ADAM22: variants seen among roughly 807,000 people sequenced by gnomAD.
ADAM22 encodes disintegrin and metalloproteinase domain-containing protein 22.
ADAM22 carries 65 observed loss-of-function variants against 144.6 expected under a neutral mutation model. That is an observed-to-expected ratio of 0.45 (90% CI 0.37 to 0.55). The LOEUF is 0.55. ADAM22 is among the 20% of genes least tolerant of loss of function. The probability of loss-of-function intolerance (pLI) is 0.00; values close to 1 mark genes in which losing one functional copy is unlikely to be tolerated. For missense variants in ADAM22, 974 were observed against 1,184.9 expected, an observed-to-expected ratio of 0.82 and a Z score of 2.61; for synonymous variants, 391 against 412.6, an observed-to-expected ratio of 0.95 and a Z score of 0.63.
At chr7:87,934,900 G>C in intron 1 of ADAM22, 126 bp from the exon 2 acceptor site, 1 of 1,375,744 alleles carries the variant, frequency 7.3e-7, no homozygotes, top group Non-Finnish European at 1.0e-6. Context: ...GTTGGGTTCC[G>C]AGAGGGAGGG....
At chr7:88,073,449 GTGAGCCAACCCTGGAAC>G (rs1563154467) in intron 3 of ADAM22, among the ~76,000 whole-genome samples, 4 of 152,136 alleles carry the variant, frequency 2.6e-5, no homozygotes, top group African/African-American at 9.7e-5. Flanking sequence ...GAGCCACCAC[GTGAGCCAACCCTGGAAC>G]TGCCCTGATG....
chr7:88,093,159 A>G (rs1820384134), intron 4 of ADAM22, among the ~76,000 whole-genome samples: 1 of 152,172 alleles, frequency 6.6e-6, no homozygotes, highest in Admixed American at 6.5e-5. Context: ...TAACCTTTTC[A>G]TTATAGAATG....
At chr7:87,965,212 C>T (rs926050880) in intron 2 of ADAM22, among the ~76,000 whole-genome samples, 1 of 152,190 alleles carries the variant, frequency 6.6e-6, no homozygotes, top group South Asian at 2.1e-4. Flanking sequence ...GGAAGAAAGT[C>T]TCTGGTGTTT....
In ADAM22 at chr7:88,200,153, T is replaced by C. The variant is rs1309619714; in HGVS notation, c.*3662T>C. 1 of 152,236 alleles carries C rather than the reference T, an allele frequency of 6.6e-6. No homozygotes were observed. Among genetic ancestry groups the C allele is most frequent in the African/African-American group, 2.4e-5 (1 of 41,468 alleles). 9.4% of individuals were successfully genotyped at this position (152,236 alleles called of 1,614,324 possible). A position where few individuals can be genotyped will look rare whatever the true frequency, so the allele number is the denominator to read the frequency against. On this transcript the variant is annotated 3_prime_UTR_variant, in exon 32 of 32. Coordinates refer to ENST00000413139, the MANE Select transcript of ADAM22 (RefSeq NM_001324418.2). The stretch of plus-strand genomic sequence containing the variant: ...GACCAGAAGATATATGGTATTTTTA[T>C]TCACTTTTTTCAGTGTTTTAAAATA...
intron 3 of ADAM22, among the ~76,000 whole-genome samples, chr7:88,025,070 A>G (rs923184256): frequency 6.6e-6 from 1 of 152,272 alleles, no homozygotes; most frequent in African/African-American, 2.4e-5. Flanking sequence ...TATACCCAGT[A>G]ATGGGATGGC....
At chr7:88,110,171 A>G (rs1182350632) in intron 5 of ADAM22, among the ~76,000 whole-genome samples, 1 of 152,176 alleles carries the variant, frequency 6.6e-6, no homozygotes, top group Non-Finnish European at 1.5e-5. Flanking sequence ...TCCATGCTTA[A>G]TATCAGACAG....
intron 7 of ADAM22, among the ~76,000 whole-genome samples, chr7:88,117,725 G>A (rs1014016625): frequency 1.4e-5 from 2 of 139,110 alleles, no homozygotes; most frequent in African/African-American, 5.5e-5. Flanking sequence ...ACAAAGTCTT[G>A]CTCTATCGCC....
chr7:88,025,636 A>C (rs1798843022), intron 3 of ADAM22, among the ~76,000 whole-genome samples: 1 of 152,056 alleles, frequency 6.6e-6, no homozygotes, highest in Non-Finnish European at 1.5e-5. Flanking sequence ...CTTTTCCCCA[A>C]TGTATATTCT....
At chr7:88,095,230 T>C (rs555082139) in intron 4 of ADAM22, among the ~76,000 whole-genome samples, 8 of 152,298 alleles carry the variant, frequency 5.3e-5, no homozygotes, top group Non-Finnish European at 7.4e-5. Flanking sequence ...CAATTTTCTG[T>C]GCCTCTAGAC....
At chr7:88,108,143 G>A (rs536773441) in intron 4 of ADAM22, 33 bp from the exon 5 acceptor site, 6 of 1,570,784 alleles carry the variant, frequency 3.8e-6, no homozygotes, top group South Asian at 2.3e-5. Flanking sequence ...TCCTTGTGAT[G>A]CAAAGACTTA....
In ADAM22 at chr7:88,106,369, G is replaced by C. The variant is rs900792633; in HGVS notation, c.391-1807G>C. On this transcript the variant is annotated intron_variant, in intron 4 of 31. Coordinates refer to ENST00000413139, the MANE Select transcript of ADAM22 (RefSeq NM_001324418.2). ...CCAAAGCTGAGAGTTACCAGCTTCT[G>C]TGGGATTATCTCACAAGGAGCAGTA... Among the ~76,000 whole-genome samples, 119 of 152,204 alleles carry C rather than the reference G, an allele frequency of 7.8e-4. 1 individual carries two copies. The highest frequency in any genetic ancestry group is 2.5e-4 in the Non-Finnish European group (17 of 68,038).
chr7:87,935,310 G>C, intron 2 of ADAM22, 124 bp downstream of exon 2: 2 of 1,121,998 alleles, frequency 1.8e-6, no homozygotes, highest in East Asian at 5.2e-5. Flanking sequence ...GTCCCGATGC[G>C]AGTCATGCAT....
chr7:88,164,331 A>G (rs778391626), intron 23 of ADAM22, among the ~76,000 whole-genome samples: 1 of 152,106 alleles, frequency 6.6e-6, no homozygotes, highest in Non-Finnish European at 1.5e-5. Context: ...GTAAAAGAAT[A>G]ATCAATGCAA....
chr7:88,091,192 G>A (rs774712037), intron 4 of ADAM22, among the ~76,000 whole-genome samples: 2 of 152,056 alleles, frequency 1.3e-5, no homozygotes, highest in African/African-American at 4.8e-5. Context: ...GTAATTTACT[G>A]TTAGTCATTT....
At chr7:88,138,480 A>G (rs746267099) in intron 14 of ADAM22, among the ~76,000 whole-genome samples, 1 of 152,222 alleles carries the variant, frequency 6.6e-6, no homozygotes, top group African/African-American at 2.4e-5. Flanking sequence ...ATATGACGCT[A>G]TAATTTGATT....
At chr7:88,196,382 G>A in intron 31 of ADAM22, 89 bp from the exon 32 acceptor site, 2 of 1,441,460 alleles carry the variant, frequency 1.4e-6, no homozygotes, top group African/African-American at 1.4e-5. Context: ...ATATATGGAT[G>A]GAATCACTGA....
At chr7:88,086,701 A>G (rs927780143) in intron 4 of ADAM22, among the ~76,000 whole-genome samples, 2 of 152,214 alleles carry the variant, frequency 1.3e-5, no homozygotes, top group African/African-American at 4.8e-5. Flanking sequence ...TTGGGAATAC[A>G]ACTTTAATTC....
chr7:88,045,440 G>A (rs1183854770), intron 3 of ADAM22, among the ~76,000 whole-genome samples: 4 of 151,922 alleles, frequency 2.6e-5, no homozygotes, highest in Non-Finnish European at 4.4e-5. Flanking sequence ...GAAAAAAATT[G>A]TGTATATTTA....
At chr7:88,057,554 A>G (rs970893659) in intron 3 of ADAM22, among the ~76,000 whole-genome samples, 15 of 152,284 alleles carry the variant, frequency 9.9e-5, no homozygotes, top group Admixed American at 5.2e-4. Flanking sequence ...AAAAATGACA[A>G]CTCTCATCTG....
Sources: allele counts gnomAD v4.1 joint callset (sites outside exome capture counted in the v4.1 genomes callset), GRCh38; gene constraint gnomAD v4.1.1; transcripts MANE v1.5; gene names NCBI Gene and HGNC (gene_info 2026-07-23, HGNC 2026-07-21).